LDLRAD4: variants seen among roughly 807,000 people sequenced by gnomAD.
The protein encoded by LDLRAD4 is low-density lipoprotein receptor class A domain-containing protein 4.
In LDLRAD4, 5 loss-of-function variants were observed where a neutral mutation model predicts 17.0. The observed-to-expected ratio is 0.29, with a 90% CI of 0.15 to 0.62. The LOEUF (loss-of-function observed/expected upper bound fraction) is 0.62. Among genes scored for constraint, LDLRAD4 ranks in the 20% least tolerant of loss-of-function variants. The pLI is 0.84. For synonymous variants in LDLRAD4, 168 were observed against 171.8 expected (o/e 0.98, Z 0.17); for missense variants, 340 against 424.7 (o/e 0.80, Z 1.75).
chr18:13,381,931 C>T (rs1002508597), intron 1 of LDLRAD4, among the ~76,000 whole-genome samples: 9 of 152,112 alleles, frequency 5.9e-5, no homozygotes, highest in Admixed American at 5.2e-4. Context: ...TTTAGAATGA[C>T]CTCTTTGGTT....
intron 3 of LDLRAD4, among the ~76,000 whole-genome samples, chr18:13,498,374 A>T (rs2093525394): frequency 6.8e-6 from 1 of 146,176 alleles, no homozygotes; most frequent in East Asian, 2.1e-4. Context: ...CGCCGTGGAC[A>T]CTGGAGAATC....
At chr18:13,387,846 A>G (rs1436909696) in intron 2 of LDLRAD4, 84 bp downstream of exon 3, 1 of 1,239,886 alleles carries the variant, frequency 8.1e-7, no homozygotes, top group African/African-American at 1.5e-5. Flanking sequence ...CAGTGAACCT[A>G]CCTTTGCAGT....
At chr18:13,338,307 T>C (rs892842862) in intron 1 of LDLRAD4, among the ~76,000 whole-genome samples, 2 of 152,192 alleles carry the variant, frequency 1.3e-5, no homozygotes, top group Non-Finnish European at 2.9e-5. Context: ...GGTCCTCCAG[T>C]AGCACTGTTC....
intron 1 of LDLRAD4, among the ~76,000 whole-genome samples, chr18:13,296,273 G>A (rs1288402145): frequency 6.6e-6 from 1 of 152,242 alleles, no homozygotes; most frequent in African/African-American, 2.4e-5. Context: ...ATGTTTTAGG[G>A]TCCTCTGTCA....
chr18:13,344,493 G>A (rs2082564391), intron 1 of LDLRAD4, among the ~76,000 whole-genome samples: 1 of 133,400 alleles, frequency 7.5e-6, no homozygotes, highest in Admixed American at 7.1e-5. Context: ...TAGCTTTGTA[G>A]TATAGTTTGA....
intron 1 of LDLRAD4, among the ~76,000 whole-genome samples, chr18:13,314,393 C>T (rs1020370999): frequency 7.2e-5 from 11 of 152,162 alleles, no homozygotes; most frequent in East Asian, 3.8e-4. Flanking sequence ...ATTGAAAAAG[C>T]GATTTCTTAA....
At chr18:13,269,411 A>G (rs1046896008) in intron 1 of LDLRAD4, among the ~76,000 whole-genome samples, 1 of 152,252 alleles carries the variant, frequency 6.6e-6, no homozygotes, top group Non-Finnish European at 1.5e-5. Context: ...TGGCTTACAC[A>G]CAGTGACAAT....
At position 13,536,818 on chromosome 18, in the gene LDLRAD4, A is replaced by G. The variant is rs543987556; in HGVS notation, c.182-84299A>G. On this transcript the variant is annotated intron_variant, in intron 3 of 5. Transcript: ENST00000359446. ...CTCCTTCTGTTCCTACTTTGCTGGT[A>G]GTTTTTACAATAAGTAAATGTTGAA... 1.5e-3 allele frequency among the ~76,000 whole-genome samples: 225 copies of G among 152,306 alleles called. 3 individuals are homozygous for G. The highest frequency in any genetic ancestry group is 2.3e-3 in the Non-Finnish European group (159 of 68,010).
chr18:13,417,269 CT>C lies in LDLRAD4; in HGVS notation c.41-20973del, dbSNP rs142463595. Among the ~76,000 whole-genome samples, 183 of 152,280 alleles carry C rather than the reference CT, an allele frequency of 1.2e-3. 6 individuals are homozygous for C. In the East Asian group the frequency reaches 0.033, roughly 28 times the overall value. ...GAAGTATGTTTGCATAAGTTGATTC[CT>C]TCTCTTTCAGGTTTATCTGCCATAA... is the stretch of plus-strand genomic sequence containing the variant. On this transcript the variant is annotated intron_variant, in intron 2 of 5. Coordinates refer to ENST00000359446, the Ensembl canonical transcript of LDLRAD4.
At chr18:13,418,445 C>G (rs920948095) in intron 2 of LDLRAD4, among the ~76,000 whole-genome samples, 2 of 152,224 alleles carry the variant, frequency 1.3e-5, no homozygotes, top group African/African-American at 2.4e-5. Context: ...CCTGATGGAC[C>G]CTTAAAGCTG....
chr18:13,305,444 C>T (rs900856089), intron 1 of LDLRAD4, among the ~76,000 whole-genome samples: 9 of 152,170 alleles, frequency 5.9e-5, no homozygotes, highest in East Asian at 5.8e-4. Flanking sequence ...TTATCATCTC[C>T]GCATGAGCAG....
chr18:13,400,838 G>A (rs1025316211), intron 2 of LDLRAD4, among the ~76,000 whole-genome samples: 19 of 152,196 alleles, frequency 1.2e-4, no homozygotes, highest in African/African-American at 4.8e-5. Flanking sequence ...GACTTCACAT[G>A]TGTTCCTGGA....
At position 13,367,423 on chromosome 18, in the gene LDLRAD4, C is replaced by T. The variant is rs115474790; in HGVS notation, c.-382-19918C>T. Among the ~76,000 whole-genome samples, 114 of 152,214 alleles carry T rather than the reference C, an allele frequency of 7.5e-4. No homozygotes were observed. Among genetic ancestry groups the T allele is most frequent in the African/African-American group, 2.6e-3 (106 of 41,536 alleles). ...CGAGGGGGTCTCAGGCATTGAACTG[C>T]GTGGGGCACTCCATGGGGCAGAAAA... On this transcript the variant is annotated intron_variant, in intron 1 of 5. Transcript: ENST00000359446. The surrounding 1 kb of genome is among the most constrained non-coding windows in gnomAD (Gnocchi z 4.1).
intron 3 of LDLRAD4, among the ~76,000 whole-genome samples, chr18:13,590,295 TAGG>T (rs2095002135): frequency 7.6e-6 from 1 of 132,306 alleles, no homozygotes; most frequent in African/African-American, 2.9e-5. Flanking sequence ...GTGGGGGAGA[TAGG>T]GGTGTATGTG....
chr18:13,643,705 G>C (rs1601894437), intron 5 of LDLRAD4, among the ~76,000 whole-genome samples: 1 of 152,196 alleles, frequency 6.6e-6, no homozygotes, highest in East Asian at 1.9e-4. Context: ...AGTGGGCATG[G>C]TTTATAAATA....
In LDLRAD4 at chr18:13,610,305, T is replaced by TTTTTTTTTTTTTTTTTTTTTTTC. The variant is rs1491536129; in HGVS notation, c.182-10812_182-10811insTTTTTTTTTTTTTTTTTTTTTTC. On this transcript the variant is annotated intron_variant, in intron 3 of 5. Transcript: ENST00000359446. ...TTTTTTTTTTTTTTTTTTTTTTTTT[T>TTTTTTTTTTTTTTTTTTTTTTTC]GAGACGGAGTCTCACTCTGTCGCCC... 9.9e-4 allele frequency among the ~76,000 whole-genome samples: 24 copies of TTTTTTTTTTTTTTTTTTTTTTTC among 24,362 alleles called. 6 individuals carry two copies. Among genetic ancestry groups the TTTTTTTTTTTTTTTTTTTTTTTC allele is most frequent in the Admixed American group, 1.4e-3 (3 of 2,206 alleles). 16.0% of individuals were successfully genotyped at this position (24,362 alleles called of 152,430 possible).
intron 2 of LDLRAD4, among the ~76,000 whole-genome samples, chr18:13,391,979 C>T (rs2086309013): frequency 6.6e-6 from 1 of 152,220 alleles, no homozygotes; most frequent in South Asian, 2.1e-4. Flanking sequence ...ATGAATAACG[C>T]TTTGATGAAC....
chr18:13,576,348 G>A (rs11873002), intron 3 of LDLRAD4, among the ~76,000 whole-genome samples: 24,852 of 150,704 alleles, frequency 0.16, 2,311 homozygotes, highest in African/African-American at 0.24. Flanking sequence ...CGTGAACCTG[G>A]GAGGTGGAGC....
chr18:13,392,552 C>G (rs1051127463), intron 2 of LDLRAD4, among the ~76,000 whole-genome samples: 1 of 152,136 alleles, frequency 6.6e-6, no homozygotes, highest in Admixed American at 6.5e-5. Context: ...TCCCAGGTGC[C>G]GTCATAGTGG....
Sources: gnomAD v4.1 joint callset for allele counts (sites outside exome capture counted in the v4.1 genomes callset) on GRCh38, gnomAD v4.1.1 for gene constraint, Gnocchi (gnomAD v3.1) non-coding constraint, MANE v1.5 for transcripts, NCBI Gene and HGNC (gene_info 2026-07-23, HGNC 2026-07-21) for gene names.